The following HDAC9 variants were observed in gnomAD, a reference collection of about 807,000 sequenced individuals.
HDAC9 encodes the protein MEF-2 interacting transcription repressor (MITR) protein.
Under a neutral mutation model 139.4 loss-of-function variants are expected in HDAC9, and 41 were observed. That is an observed-to-expected ratio of 0.29 (90% CI 0.23 to 0.38). The LOEUF is 0.38. Ranked by LOEUF, HDAC9 falls within the 10% of genes least tolerant of loss-of-function variation. HDAC9 has a pLI of 1.00. For missense variants in HDAC9, 1,147 were observed against 1,297.0 expected, an observed-to-expected ratio of 0.88 and a Z score of 1.78; for synonymous variants, 517 against 476.2, an observed-to-expected ratio of 1.09 and a Z score of -1.12.
At chr7:18,656,521 G>A (rs1021948641) in intron 11 of HDAC9, among the ~76,000 whole-genome samples, 2 of 152,122 alleles carry the variant, frequency 1.3e-5, no homozygotes, top group Non-Finnish European at 2.9e-5. Context: ...TTCAAGAGAA[G>A]TTTCTGAGGT....
At chr7:18,904,836 A>G (rs1403795089) in intron 22 of HDAC9, among the ~76,000 whole-genome samples, 1 of 151,798 alleles carries the variant, frequency 6.6e-6, no homozygotes, top group East Asian at 1.9e-4. Context: ...CGGCCTCCCA[A>G]AGTGCTGGGA....
chr7:18,425,821 A>T (rs1182415974), intron 1 of HDAC9, among the ~76,000 whole-genome samples: 2 of 152,202 alleles, frequency 1.3e-5, no homozygotes, highest in Non-Finnish European at 2.9e-5. Context: ...CCTGTGATCT[A>T]TGCATATAGG....
At position 18,587,645 on chromosome 7, in the gene HDAC9, A is replaced by G. The variant is rs762121576; in HGVS notation, c.264+2123A>G. 4.2e-4 allele frequency among the ~76,000 whole-genome samples: 64 copies of G among 152,236 alleles called. 1 individual carries two copies. The highest frequency in any genetic ancestry group is 4.7e-4 in the Non-Finnish European group (32 of 68,038). ...ATTTTTCCACCTAGTGAACTGAGGT[A>G]GAGAAAAATAATGATACCTTTCCAA... On this transcript the variant is annotated intron_variant, in intron 3 of 25. Coordinates refer to ENST00000686413, the MANE Select transcript of HDAC9 (RefSeq NM_178425.4).
chr7:18,338,571 A>G (rs1781759087), intron 1 of HDAC9, among the ~76,000 whole-genome samples: 1 of 151,590 alleles, frequency 6.6e-6, no homozygotes. Context: ...AGTTTTTGTT[A>G]TTTATTCTAT....
intron 21 of HDAC9, among the ~76,000 whole-genome samples, chr7:18,869,680 T>C (rs1434086052): frequency 6.6e-6 from 1 of 152,144 alleles, no homozygotes; most frequent in Non-Finnish European, 1.5e-5. Context: ...AGACATCCAC[T>C]GCTTGGCGTG....
chr7:18,771,990 C>T (rs1790338597), intron 16 of HDAC9, among the ~76,000 whole-genome samples: 1 of 152,040 alleles, frequency 6.6e-6, no homozygotes, highest in African/African-American at 2.4e-5. Flanking sequence ...GTGCAGCATG[C>T]AAAAACGAAT....
At chr7:18,584,843 G>A (rs967775567) in intron 2 of HDAC9, among the ~76,000 whole-genome samples, 4 of 152,122 alleles carry the variant, frequency 2.6e-5, no homozygotes, top group Non-Finnish European at 4.4e-5. Flanking sequence ...ATCTTCTGAC[G>A]CTGATTACAA....
intron 2 of HDAC9, among the ~76,000 whole-genome samples, chr7:18,208,591 G>A (rs1180028810): frequency 1.3e-5 from 2 of 151,972 alleles, no homozygotes; most frequent in African/African-American, 2.4e-5. Context: ...GGCCAGGCTG[G>A]TCTCCAACTC....
intron 2 of HDAC9, among the ~76,000 whole-genome samples, chr7:18,232,982 A>C (rs925814091): frequency 6.6e-6 from 1 of 152,212 alleles, no homozygotes; most frequent in African/African-American, 2.4e-5. Flanking sequence ...TCAGATATCT[A>C]GGAGACTCAA....
intron 25 of HDAC9, among the ~76,000 whole-genome samples, chr7:18,981,760 A>G (rs904922720): frequency 6.6e-6 from 1 of 152,138 alleles, no homozygotes; most frequent in Non-Finnish European, 1.5e-5. Flanking sequence ...CCACCTTATC[A>G]CCCCTAACTT....
intron 17 of HDAC9, among the ~76,000 whole-genome samples, chr7:18,817,744 T>C (rs2129196300): frequency 6.6e-6 from 1 of 152,318 alleles, no homozygotes; most frequent in Middle Eastern, 3.4e-3. Context: ...AAACCTATTT[T>C]TGACGGAGAA....
At chr7:18,643,531 G>A (rs1241357680) in intron 8 of HDAC9, among the ~76,000 whole-genome samples, 1 of 152,050 alleles carries the variant, frequency 6.6e-6, no homozygotes, top group African/African-American at 2.4e-5. Flanking sequence ...TTGAGATGAT[G>A]TTTTGGAATA....
At chr7:18,525,089 C>G (rs920242315) in intron 2 of HDAC9, among the ~76,000 whole-genome samples, 2 of 151,592 alleles carry the variant, frequency 1.3e-5, no homozygotes, top group Non-Finnish European at 2.9e-5. Context: ...TAGAAAAATC[C>G]TAATAAATCA....
intron 2 of HDAC9, among the ~76,000 whole-genome samples, chr7:18,556,106 T>C (rs1200046741): frequency 2.6e-5 from 4 of 151,976 alleles, no homozygotes. Context: ...GCTTCAAAAG[T>C]TTCAGGTTAT....
intron 1 of HDAC9, among the ~76,000 whole-genome samples, chr7:18,138,005 G>C (rs1375166158): frequency 6.6e-6 from 1 of 152,054 alleles, no homozygotes; most frequent in Admixed American, 6.6e-5. Context: ...TCTATTCAGA[G>C]ATTCAACTTC....
At chr7:18,521,852 A>G (rs1805161617) in intron 2 of HDAC9, among the ~76,000 whole-genome samples, 1 of 152,238 alleles carries the variant, frequency 6.6e-6, no homozygotes, top group Non-Finnish European at 1.5e-5. Context: ...CTACAAAGTT[A>G]GCTGGACCTT....
At position 18,275,221 on chromosome 7, in the gene HDAC9, CAG is replaced by C. The variant is rs574700580; in HGVS notation, c.25+112874_25+112875del. 3.4e-3 allele frequency among the ~76,000 whole-genome samples: 511 copies of C among 152,270 alleles called. 4 individuals carry two copies. The highest frequency in any genetic ancestry group is 0.012 in the African/African-American group (498 of 41,560). The stretch of plus-strand genomic sequence containing the variant: ...CTTTTCCTCATGCCCTAAATTCAGT[CAG>C]AAACTCCTCTTGTCTGTACCTTCAA... On this transcript the variant is annotated intron_variant, in intron 2 of 12. Transcript: ENST00000417496.
chr7:18,732,869 A>G (rs532169640), intron 13 of HDAC9, among the ~76,000 whole-genome samples: 2 of 96,488 alleles, frequency 2.1e-5, no homozygotes, highest in Non-Finnish European at 2.1e-5. Flanking sequence ...GCGTATGTGT[A>G]CACACACACG....
At chr7:18,953,686 A>G (rs1425284958) in intron 23 of HDAC9, among the ~76,000 whole-genome samples, 1 of 152,064 alleles carries the variant, frequency 6.6e-6, no homozygotes, top group Non-Finnish European at 1.5e-5. Context: ...ATGGCTTTCT[A>G]TCGTGAAGTG....
Sources: gnomAD v4.1 joint callset for allele counts (sites outside exome capture counted in the v4.1 genomes callset) on GRCh38, gnomAD v4.1.1 for gene constraint, MANE v1.5 for transcripts, NCBI Gene and HGNC (gene_info 2026-07-23, HGNC 2026-07-21) for gene names.